MKI67: variants seen among roughly 807,000 people sequenced by gnomAD.
MKI67 encodes marker of proliferation Ki-67.
In MKI67, 152 loss-of-function variants were observed where a neutral mutation model predicts 233.5. The observed-to-expected ratio is 0.65, with a 90% CI of 0.57 to 0.74. The LOEUF (loss-of-function observed/expected upper bound fraction) is 0.74. MKI67 is among the 30% of genes least tolerant of loss of function. The pLI, the probability that MKI67 is intolerant of heterozygous loss-of-function variation, is 0.00. For missense variants in MKI67, 3,940 were observed against 3,885.2 expected (o/e 1.01, Z -0.37); for synonymous variants, 1,465 against 1,418.5 (o/e 1.03, Z -0.74).
chr10:128,100,075 C>A (rs1184208917), intron 14 of MKI67, among the ~76,000 whole-genome samples: 1 of 152,218 alleles, frequency 6.6e-6, no homozygotes, highest in African/African-American at 2.4e-5. Context: ...GACGGGTGAA[C>A]GTGCTGACCC....
At position 128,125,480 on chromosome 10, in the gene MKI67, G is replaced by A; in HGVS notation, c.92+96C>T. On this transcript the variant is annotated intron_variant, in intron 2 of 14. Transcript: ENST00000368654. This position sits in a 1 kb window ranked among gnomAD's most constrained non-coding sequence, Gnocchi z 5.3. ...AAGCACCAAGGAAAAGTGACGGCAG[G>A]ACCCAATCCTAGAGCGCGTTTCTGG... is the stretch of plus-strand genomic sequence containing the variant. The A allele has an allele frequency of 1.1e-6, 1 of 922,336 alleles. No individual in the cohort carries two copies. The highest frequency in any genetic ancestry group is 1.8e-6 in the Non-Finnish European group (1 of 567,328). 57.1% of individuals were successfully genotyped at this position (922,336 alleles called of 1,614,324 possible).
rs1212402345 is a variant in MKI67, at chr10:128,103,262, T to G, written c.8578A>C (p.Lys2860Gln). The G allele has an allele frequency of 6.2e-7, 1 of 1,614,178 alleles. No homozygotes were observed. Among genetic ancestry groups the G allele is most frequent in the Admixed American group, 1.7e-5 (1 of 60,014 alleles). The stretch of plus-strand genomic sequence containing the variant: ...GTCTCCCCTGAGGTTTGTGTGAGCT[T>G]GCCAACTGCTAACAGCTCCTCCTTC... The part of the protein sequence containing the change: ...EVKEELLAVG[K>Q]LTQTSGETTH... Residue 2860 changes from lysine to glutamine, a missense_variant, in exon 13 of 15, where the codon AAG (lysine) becomes CAG (glutamine). Coordinates refer to ENST00000368654, the MANE Select transcript of MKI67 (RefSeq NM_002417.5).
chr10:128,126,094 C>A lies in MKI67; in HGVS notation c.-90+5G>T. The A allele has an allele frequency of 5.0e-6, 1 of 201,074 alleles. No individual in the cohort carries two copies. The highest frequency in any genetic ancestry group is 1.0e-5 in the Non-Finnish European group (1 of 98,626). The allele number at this position is 201,074 out of a possible 1,614,324, so 12.5% of individuals were successfully genotyped here. ...CAGCTCCCAGGAGTCCCGGCCGCAGCTCACCTGGGACGATCCGGCCCGCAA... is the reference window on the plus strand; with the variant it reads ...CAGCTCCCAGGAGTCCCGGCCGCAGATCACCTGGGACGATCCGGCCCGCAA... On this transcript the variant is annotated splice_donor_5th_base_variant and intron_variant, in intron 1 of 14. Coordinates refer to ENST00000368654, the MANE Select transcript of MKI67 (RefSeq NM_002417.5).
chr10:128,106,918 C>T lies in MKI67; in HGVS notation c.4922G>A (p.Gly1641Asp), dbSNP rs748388490. ...RRLKTSLGKV[G>D]VKEELLAVGK... ...AACTGCTAGGAGCTCTTCTTTCACGCCCACTTTCCCCAGGGATGTCTTGAG... is the reference window on the plus strand; with the variant it reads ...AACTGCTAGGAGCTCTTCTTTCACGTCCACTTTCCCCAGGGATGTCTTGAG... Residue 1641 changes from glycine (G) to aspartate (D), a missense_variant, in exon 13 of 15, where the codon GGC (glycine) becomes GAC (aspartate). By Grantham distance (94) the Gly-to-Asp change is moderately conservative. Transcript: ENST00000368654. 4 of 1,613,562 alleles carry T rather than the reference C, an allele frequency of 2.5e-6. No individual in the cohort carries two copies. The highest frequency in any genetic ancestry group is 3.3e-5 in the Admixed American group (2 of 59,944).
At chr10:128,116,088 T>C in intron 6 of MKI67, 81 bp from the exon 7 acceptor site, 1 of 1,454,248 alleles carries the variant, frequency 6.9e-7, no homozygotes, top group African/African-American at 1.4e-5. Context: ...AATATTTTAA[T>C]TGTTTCAGGT....
At chr10:128,117,770 T>C (rs1288493400) in intron 5 of MKI67, among the ~76,000 whole-genome samples, 3 of 152,254 alleles carry the variant, frequency 2.0e-5, no homozygotes, top group Non-Finnish European at 4.4e-5. Context: ...AATAAAATTA[T>C]GAATATGTAA....
Position 128,104,837 on chromosome 10 carries a change from C to T in MKI67, c.7003G>A (p.Glu2335Lys). 6.2e-7 allele frequency: 1 copy of T among 1,613,204 alleles called. No individual in the cohort carries two copies. The highest frequency in any genetic ancestry group is 8.5e-7 in the Non-Finnish European group (1 of 1,179,850). The change falls in exon 13 of 15, where the codon GAG becomes AAG. Residue 2335 changes from glutamate to lysine, a missense_variant. Coordinates refer to ENST00000368654, the MANE Select transcript of MKI67 (RefSeq NM_002417.5). ...TTGCAGGCTATTTTGGTAGTTTTCT[C>T]ATCAGTCGTGGGCTTGTCAGTGCCT... ...TPGTDKPTTD[E>K]KTTKIACKSP...
In MKI67 at chr10:128,103,946, T is replaced by C. The variant is rs146601920; in HGVS notation, c.7894A>G (p.Thr2632Ala). ...LTQTSGQSTHTHKEPASGDEG... is the reference protein window; with the variant it reads ...LTQTSGQSTHAHKEPASGDEG... Reference sequence around the variant, plus strand: ...TCACCGCTTGCTGGTTCTTTGTGTGTGTGTGTGCTTTGCCCTGATGTTTGC... The same window carrying C: ...TCACCGCTTGCTGGTTCTTTGTGTGCGTGTGTGCTTTGCCCTGATGTTTGC... The change falls in exon 13 of 15, where the codon ACA becomes GCA. Residue 2632 changes from threonine to alanine, a missense_variant. By Grantham distance (58) the Thr-to-Ala change is moderately conservative. Coordinates refer to ENST00000368654, the MANE Select transcript of MKI67 (RefSeq NM_002417.5). 1.2e-5 allele frequency: 19 copies of C among 1,613,968 alleles called. No homozygotes were observed. The African/African-American group carries it at 2.3e-4, about 19-fold the overall frequency.
At chr10:128,101,869 T>A (rs1429478265) in intron 13 of MKI67, among the ~76,000 whole-genome samples, 168 bp from the exon 14 acceptor site, 4 of 152,230 alleles carry the variant, frequency 2.6e-5, no homozygotes, top group African/African-American at 9.6e-5. Flanking sequence ...AGGTAATGCC[T>A]TGGTACTTTG....
At position 128,125,454 on chromosome 10, in the gene MKI67, G is replaced by A. The variant is rs75137577; in HGVS notation, c.92+122C>T. ...TATGTCAACTTAGTAACGAATGGGA[G>A]AAGCACCAAGGAAAAGTGACGGCAG... On this transcript the variant is annotated intron_variant, in intron 2 of 14. Transcript: ENST00000368654. The surrounding 1 kb of genome is among the most constrained non-coding windows in gnomAD (Gnocchi z 5.3). 30,383 of 770,112 alleles carry A rather than the reference G, an allele frequency of 0.039. 1,299 individuals are homozygous for A. The highest frequency in any genetic ancestry group is 0.16 in the African/African-American group (9,129 of 57,046). 47.7% of individuals were successfully genotyped at this position (770,112 alleles called of 1,614,324 possible). A position where few individuals can be genotyped will look rare whatever the true frequency, so the allele number is the denominator to read the frequency against.
At position 128,113,520 on chromosome 10, in the gene MKI67, C is replaced by G. The variant is rs533832528; in HGVS notation, c.1563G>C (p.Leu521Phe). The stretch of plus-strand genomic sequence containing the variant: ...CCCTTTTGAGAGGCGTATTAGGAGG[C>G]AAGTTTTCATCAAATAGTTCAGGTC... ...HLRPELFDEN[L>F]PPNTPLKRGE... The change falls in exon 8 of 15, where the codon TTG becomes TTC. Residue 521 changes from leucine (L) to phenylalanine (F), a missense_variant. By Grantham distance (22) the Leu-to-Phe change is conservative. Transcript: ENST00000368654. The G allele has an allele frequency of 6.2e-7, 1 of 1,614,166 alleles. No homozygotes were observed. Among genetic ancestry groups the G allele is most frequent in the South Asian group, 1.1e-5 (1 of 91,082 alleles).
In MKI67 at chr10:128,119,359, T is replaced by C. The variant is rs528633698; in HGVS notation, c.288-40A>G. ...ACGACAAAGATCCTGATTAAAAATT[T>C]ATACCCTGGGGCGGAAGTCTCCATA... On this transcript the variant is annotated intron_variant, in intron 4 of 14. Coordinates refer to ENST00000368654, the MANE Select transcript of MKI67 (RefSeq NM_002417.5). 3.5e-5 allele frequency: 51 copies of C among 1,440,382 alleles called. No homozygotes were observed. The East Asian group carries it at 1.1e-3, about 31-fold the overall frequency. The allele number at this position is 1,440,382 out of a possible 1,614,324, so 89.2% of individuals were successfully genotyped here. A position where few individuals can be genotyped will look rare whatever the true frequency, so the allele number is the denominator to read the frequency against.
At chr10:128,118,939 A>C (rs1445703588) in intron 5 of MKI67, among the ~76,000 whole-genome samples, 2 of 152,198 alleles carry the variant, frequency 1.3e-5, no homozygotes, top group East Asian at 3.8e-4. Flanking sequence ...GCAATTCCCA[A>C]ATGTTAGCTC....
Position 128,115,742 on chromosome 10 carries a change from G to A in MKI67, c.666C>T (p.Pro222=). 6.2e-7 allele frequency: 1 copy of A among 1,613,578 alleles called. No individual in the cohort carries two copies. Among genetic ancestry groups the A allele is most frequent in the African/African-American group, 1.3e-5 (1 of 75,036 alleles). ...VSRYGELKSV[P]TTQCLDNSKK... ...TGCTATTGTCAAGACATTGTGTAGTGGGAACAGACTTCAATTCTCCATAAC... is the reference window on the plus strand; with the variant it reads ...TGCTATTGTCAAGACATTGTGTAGTAGGAACAGACTTCAATTCTCCATAAC... The change falls in exon 7 of 15, where the codon CCC becomes CCT. Residue 222 remains proline (P), a synonymous_variant. Coordinates refer to ENST00000368654, the MANE Select transcript of MKI67 (RefSeq NM_002417.5).
At chr10:128,118,399 A>G (rs1217875232) in intron 5 of MKI67, among the ~76,000 whole-genome samples, 1 of 134,846 alleles carries the variant, frequency 7.4e-6, no homozygotes, top group East Asian at 2.0e-4. Context: ...CCGTCTCAGA[A>G]AAAAAAAAAA....
Position 128,115,461 on chromosome 10 carries a change from T to C in MKI67, c.947A>G (p.Asn316Ser), listed in dbSNP as rs1332623930. Residue 316 changes from asparagine to serine, a missense_variant, in exon 7 of 15, where the codon AAC becomes AGC. Asn to Ser is a conservative substitution (Grantham distance 46). Coordinates refer to ENST00000368654, the MANE Select transcript of MKI67 (RefSeq NM_002417.5). ...CTCCACGTCTCTTCCCTTCCCCTTG[T>C]TCTGGTCAAGCTCTTGTTCAGGTGA... is the stretch of plus-strand genomic sequence containing the variant. ...PASPEQELDQ[N>S]KGKGRDVESV... is the part of the protein sequence containing the mutation. The C allele has an allele frequency of 3.7e-6, 6 of 1,613,876 alleles. No homozygotes were observed. The African/African-American group carries it at 8.0e-5, about 22-fold the overall frequency.
rs565166945 is a variant in MKI67 at position 128,097,775 on chromosome 10, C to T, written c.*1415G>A. 24 of 152,626 alleles carry T rather than the reference C, an allele frequency of 1.6e-4. No homozygotes were observed. The highest frequency in any genetic ancestry group is 5.8e-4 in the African/African-American group (24 of 41,554). The allele number at this position is 152,626 out of a possible 1,614,324, so 9.5% of individuals were successfully genotyped here. On this transcript the variant is annotated 3_prime_UTR_variant, in exon 15 of 15. Transcript: ENST00000368654. ...GCCCTGTGAAGCCCTCAGATGTCCCCTCCCTGCCCCTTTCTATTCCCTCCC... is the reference window on the plus strand; with the variant it reads ...GCCCTGTGAAGCCCTCAGATGTCCCTTCCCTGCCCCTTTCTATTCCCTCCC...
In MKI67 at chr10:128,108,946, G is replaced by A. The variant is rs1054422514; in HGVS notation, c.2894C>T (p.Thr965Ile). ...TGTATCAGGCAAGCTCTTGAGGTCTGTCAGGTCAGACATTGGTGCACATTT... is the reference window on the plus strand; with the variant it reads ...TGTATCAGGCAAGCTCTTGAGGTCTATCAGGTCAGACATTGGTGCACATTT... ...GQKCAPMSDL[T>I]DLKSLPDTEL... The change falls in exon 13 of 15, where the codon ACA becomes ATA. Residue 965 changes from threonine (T) to isoleucine (I), a missense_variant. Thr to Ile is a moderately conservative substitution (Grantham distance 89, BLOSUM62 -1). Transcript: ENST00000368654. The A allele has an allele frequency of 1.9e-6, 3 of 1,614,112 alleles. No homozygotes were observed. Among genetic ancestry groups the A allele is most frequent in the Non-Finnish European group, 2.5e-6 (3 of 1,180,050 alleles).
Position 128,103,655 on chromosome 10 carries a change from G to A in MKI67, c.8185C>T (p.Gln2729Ter). The change falls in exon 13 of 15, where the codon CAG becomes TAG. Residue 2729 changes from glutamine (Q) to a stop codon, truncating the protein, a stop_gained. Transcript: ENST00000368654. LOFTEE classifies it high-confidence loss of function. ...STKRHLRTRV[Q>*]KVQVKEEPSA... ...GGCTCTTCTTTTACTTGTACCTTCT[G>A]CACACGTGTCCTGAGATGCCTCTTT... 6.2e-7 allele frequency: 1 copy of A among 1,614,056 alleles called. No homozygotes were observed. Among genetic ancestry groups the A allele is most frequent in the Non-Finnish European group, 8.5e-7 (1 of 1,180,004 alleles).
Sources: allele counts gnomAD v4.1 joint callset (sites outside exome capture counted in the v4.1 genomes callset), GRCh38; gene constraint gnomAD v4.1.1; non-coding constraint Gnocchi (gnomAD v3.1); transcripts MANE v1.5; gene names NCBI Gene and HGNC (gene_info 2026-07-23, HGNC 2026-07-21).